RGS12: variants seen among roughly 807,000 people sequenced by gnomAD.
RGS12 encodes the protein regulator of G-protein signaling 12.
In RGS12, 66 loss-of-function variants were observed where a neutral mutation model predicts 120.1. The observed-to-expected ratio is 0.55, with a 90% CI of 0.45 to 0.67. The LOEUF is 0.67. Ranked by LOEUF, RGS12 falls within the 30% of genes least tolerant of loss-of-function variation. RGS12 has a pLI of 0.00. For synonymous variants in RGS12, 827 were observed against 804.7 expected (o/e 1.03, Z -0.47); for missense variants, 1,859 against 1,957.7 (o/e 0.95, Z 0.95).
At chr4:3,288,561 G>A (rs1722951317), upstream of RGS12, among the ~76,000 whole-genome samples, 1 of 152,192 alleles carries the variant, frequency 6.6e-6, no homozygotes, top group South Asian at 2.1e-4. The surrounding 1 kb of genome is among the most constrained non-coding windows in gnomAD (Gnocchi z 5.2). Flanking sequence ...GACAGATGGG[G>A]TTTGGGTTCC....
rs1724881647 is a variant in RGS12, at chr4:3,317,708, C to T, written c.1538C>T (p.Ala513Val). 1.2e-6 allele frequency: 2 copies of T among 1,612,906 alleles called. No individual in the cohort carries two copies. The highest frequency in any genetic ancestry group is 1.7e-6 in the Non-Finnish European group (2 of 1,179,536). Residue 513 changes from alanine to valine, a missense_variant, in exon 2 of 18, where the codon GCT becomes GTT. Physicochemically the swap from Ala to Val is moderately conservative, Grantham distance 64. Transcript: ENST00000336727. ...GPASPVEVPP[A>V]SLRSSVPPSK... ...GCCTCTCCTGTGGAGGTGCCCCCAGCTTCCTTGAGGAGCTCAGTCCCCCCT... is the reference window on the plus strand; with the variant it reads ...GCCTCTCCTGTGGAGGTGCCCCCAGTTTCCTTGAGGAGCTCAGTCCCCCCT...
At chr4:3,414,683 T>G in intron 5 of RGS12, 69 bp from the exon 6 acceptor site, 3 of 1,131,680 alleles carry the variant, frequency 2.7e-6, no homozygotes, top group Non-Finnish European at 4.0e-6. Flanking sequence ...GTGGTTTCTG[T>G]AGAAGGGGAA....
intron 17 of RGS12, among the ~76,000 whole-genome samples, chr4:3,434,344 T>C (rs988987466): frequency 6.6e-5 from 10 of 152,170 alleles, no homozygotes; most frequent in African/African-American, 2.2e-4. Context: ...CGGGGGATTA[T>C]CACAATTCAC....
chr4:3,335,679 C>T (rs549593849), intron 2 of RGS12, among the ~76,000 whole-genome samples: 14 of 152,292 alleles, frequency 9.2e-5, no homozygotes, highest in Non-Finnish European at 2.1e-4. Context: ...GGTGCCATGG[C>T]TCACACCTGT....
chr4:3,392,365 G>A (rs1366103069), intron 4 of RGS12, among the ~76,000 whole-genome samples: 1 of 152,136 alleles, frequency 6.6e-6, no homozygotes. Context: ...GGATTTGTTG[G>A]GGTTCAGGTA....
At chr4:3,419,782 C>T (rs1281470871) in intron 9 of RGS12, among the ~76,000 whole-genome samples, 1 of 152,102 alleles carries the variant, frequency 6.6e-6, no homozygotes, top group African/African-American at 2.4e-5. Context: ...GATTGTGCCA[C>T]TGTACTCCAG....
chr4:3,429,388 C>T (rs1316680388), intron 16 of RGS12, among the ~76,000 whole-genome samples: 3 of 152,204 alleles, frequency 2.0e-5, no homozygotes, highest in Non-Finnish European at 2.9e-5. Context: ...GTCCACCTGG[C>T]GTGTCACGGC....
chr4:3,436,863 G>A (rs1374222018), intron 17 of RGS12, among the ~76,000 whole-genome samples: 1 of 152,184 alleles, frequency 6.6e-6, no homozygotes, highest in Non-Finnish European at 1.5e-5. Flanking sequence ...GGAGCCGGCA[G>A]GACCAGCCAG....
At chr4:3,407,765 C>A (rs184972979) in intron 4 of RGS12, among the ~76,000 whole-genome samples, 1 of 152,148 alleles carries the variant, frequency 6.6e-6, no homozygotes, top group African/African-American at 2.4e-5. Flanking sequence ...TTTGAGGTTA[C>A]GGTTTGGATG....
At chr4:3,388,883 T>G (rs2108982154) in intron 4 of RGS12, among the ~76,000 whole-genome samples, 1 of 152,298 alleles carries the variant, frequency 6.6e-6, no homozygotes, top group African/African-American at 2.4e-5. Flanking sequence ...ACCCCAGTGT[T>G]TTTATGGGAA....
At chr4:3,399,255 A>T (rs1720347810) in intron 4 of RGS12, among the ~76,000 whole-genome samples, 1 of 152,210 alleles carries the variant, frequency 6.6e-6, no homozygotes, top group South Asian at 2.1e-4. Context: ...AATTAAGGAA[A>T]TGAAGATAAA....
At chr4:3,358,231 G>GT (rs201173198) in intron 3 of RGS12, among the ~76,000 whole-genome samples, 36 of 151,242 alleles carry the variant, frequency 2.4e-4, no homozygotes, top group Non-Finnish European at 3.8e-4. Flanking sequence ...GCTCTAGTAG[G>GT]TTTTTTTTTG....
intron 7 of RGS12, 98 bp from the exon 8 acceptor site, chr4:3,416,815 G>A (rs1722451814): frequency 1.8e-6 from 2 of 1,083,502 alleles, no homozygotes; most frequent in Non-Finnish European, 2.7e-6. Context: ...TTTCAGGACA[G>A]GGCCAGTGGT....
intron 3 of RGS12, among the ~76,000 whole-genome samples, chr4:3,352,361 A>G (rs1349765431): frequency 6.6e-6 from 1 of 152,178 alleles, no homozygotes; most frequent in Non-Finnish European, 1.5e-5. Flanking sequence ...GAGAGCTCAA[A>G]GGGCTCAGTT....
chr4:3,384,887 G>A (rs1423048268), intron 3 of RGS12, among the ~76,000 whole-genome samples: 1 of 152,222 alleles, frequency 6.6e-6, no homozygotes, highest in East Asian at 1.9e-4. Flanking sequence ...AGGCTGCGTC[G>A]GGGCATGGTT....
intron 4 of RGS12, among the ~76,000 whole-genome samples, chr4:3,400,479 C>T (rs188973179): frequency 1.8e-4 from 28 of 151,990 alleles, no homozygotes; most frequent in Middle Eastern, 3.4e-3. Flanking sequence ...GATTAAAGGA[C>T]GAAAATCATA....
intron 2 of RGS12, chr4:3,342,471 G>C: frequency 2.3e-6 from 3 of 1,288,850 alleles, no homozygotes; most frequent in Non-Finnish European, 3.0e-6. Flanking sequence ...AATGCTTAGG[G>C]ATTCTTTCAT....
rs925293322 is a variant in RGS12 at position 3,358,349 on chromosome 4, G to A, written c.1998+15296G>A. Among the ~76,000 whole-genome samples the A allele has an allele frequency of 1.2e-4, 18 of 152,202 alleles. No individual in the cohort carries two copies. The East Asian group carries it at 3.5e-3, about 29-fold the overall frequency. On this transcript the variant is annotated intron_variant, in intron 3 of 17. Transcript: ENST00000336727. ...TTTCTTTTTTTGCCTAATTGCTCTG[G>A]CTAGAACTTACAGTACTGTGTTGAA...
chr4:3,335,098 G>A (rs1046236304), intron 2 of RGS12, among the ~76,000 whole-genome samples: 9 of 152,182 alleles, frequency 5.9e-5, no homozygotes, highest in East Asian at 3.9e-4. Flanking sequence ...GACATCATAG[G>A]CCCTAAGATA....
Sources: gnomAD v4.1 joint callset for allele counts (sites outside exome capture counted in the v4.1 genomes callset) on GRCh38, gnomAD v4.1.1 for gene constraint, Gnocchi (gnomAD v3.1) non-coding constraint, MANE v1.5 for transcripts, NCBI Gene and HGNC (gene_info 2026-07-23, HGNC 2026-07-21) for gene names.